BTBD16: variants seen among roughly 807,000 people sequenced by gnomAD.
The protein encoded by BTBD16 is BTB/POZ domain-containing protein 16.
A neutral mutation model predicts 67.4 loss-of-function variants in BTBD16; 66 were observed. The observed-to-expected ratio is 0.98, with a 90% CI of 0.80 to 1.20. The LOEUF (loss-of-function observed/expected upper bound fraction) is 1.20, where lower values mean the gene tolerates loss of function less well. Ranked by LOEUF, BTBD16 falls within the 50% of genes most tolerant of loss-of-function variation. BTBD16 has a pLI of 0.00. For synonymous variants in BTBD16, 242 were observed against 236.4 expected (o/e 1.02, Z -0.22); for missense variants, 634 against 616.0 (o/e 1.03, Z -0.31).
chr10:122,296,935 G>A (rs2096384384), intron 7 of BTBD16, among the ~76,000 whole-genome samples: 1 of 152,214 alleles, frequency 6.6e-6, no homozygotes, highest in South Asian at 2.1e-4. Flanking sequence ...TCCTGCCCCA[G>A]GGCCTTTGCA....
intron 13 of BTBD16, among the ~76,000 whole-genome samples, chr10:122,333,599 G>T (rs1204094990): frequency 1.3e-5 from 2 of 152,158 alleles, no homozygotes; most frequent in African/African-American, 4.8e-5. Flanking sequence ...TTGGGGTGAG[G>T]CATGGTTTTG....
Position 122,329,545 on chromosome 10 carries a change from G to T in BTBD16, c.977G>T (p.Cys326Phe), listed in dbSNP as rs1399954221. ...IGRSLRPLFL[C>F]LRLHGITKGK... Reference sequence around the variant, plus strand: ...CGGAGCTTGAGGCCGCTCTTCCTCTGCTTGCGTCTGCACGGCATCACCAAA... The same window carrying T: ...CGGAGCTTGAGGCCGCTCTTCCTCTTCTTGCGTCTGCACGGCATCACCAAA... Residue 326 changes from cysteine (C) to phenylalanine (F), a missense_variant, in exon 11 of 16, where the codon TGC (cysteine) becomes TTC (phenylalanine). Coordinates refer to ENST00000260723, the MANE Select transcript of BTBD16 (RefSeq NM_144587.5). 11 of 1,613,926 alleles carry T rather than the reference G, an allele frequency of 6.8e-6. No individual in the cohort carries two copies. Among genetic ancestry groups the T allele is most frequent in the Non-Finnish European group, 9.3e-6 (11 of 1,180,030 alleles).
chr10:122,312,866 A>G (rs1268426452), intron 10 of BTBD16, among the ~76,000 whole-genome samples: 2 of 151,782 alleles, frequency 1.3e-5, no homozygotes, highest in Admixed American at 1.3e-4. Context: ...TGGCTTTCTC[A>G]CTTTCAGAAT....
At chr10:122,275,860 T>C (rs1998342) in intron 2 of BTBD16, among the ~76,000 whole-genome samples, 65,363 of 151,934 alleles carry the variant, frequency 0.43, 14,845 homozygotes, top group East Asian at 0.62. Context: ...CTCCTGGGCA[T>C]ATAACCAAAA....
At chr10:122,295,623 A>G (rs1285961921) in intron 7 of BTBD16, among the ~76,000 whole-genome samples, 2 of 152,162 alleles carry the variant, frequency 1.3e-5, no homozygotes, top group Non-Finnish European at 2.9e-5. Flanking sequence ...GAGGGTCTGA[A>G]CTAGGCAGGG....
chr10:122,290,813 C>T (rs2096372536), intron 6 of BTBD16, among the ~76,000 whole-genome samples: 2 of 152,178 alleles, frequency 1.3e-5, no homozygotes, highest in South Asian at 2.1e-4. Context: ...AGGGGAGAAC[C>T]CAGGATGGTC....
intron 9 of BTBD16, among the ~76,000 whole-genome samples, chr10:122,301,870 T>A (rs1277952439): frequency 2.0e-5 from 3 of 152,218 alleles, no homozygotes; most frequent in Non-Finnish European, 4.4e-5. Flanking sequence ...GGGCCTCCAC[T>A]GGCTCCAAAG....
At chr10:122,279,511 A>AACACACACACACACACACACACAC (rs143637448) in intron 3 of BTBD16, among the ~76,000 whole-genome samples, 115 of 143,974 alleles carry the variant, frequency 8.0e-4, no homozygotes, top group East Asian at 1.1e-3. Flanking sequence ...GAGAAAGAGA[A>AACACACACACACACACACACACAC]ACACACACAC....
At chr10:122,292,340 C>T (rs2096375606) in intron 7 of BTBD16, among the ~76,000 whole-genome samples, 1 of 152,218 alleles carries the variant, frequency 6.6e-6, no homozygotes, top group African/African-American at 2.4e-5. Flanking sequence ...GACCTCATTT[C>T]ATCTTCCCTG....
At chr10:122,301,994 C>T (rs966899506) in intron 9 of BTBD16, among the ~76,000 whole-genome samples, 2 of 152,140 alleles carry the variant, frequency 1.3e-5, no homozygotes, top group Non-Finnish European at 2.9e-5. Flanking sequence ...CACGTGGCCC[C>T]GGAGTGGGAT....
chr10:122,319,657 C>T (rs560964163), intron 10 of BTBD16, among the ~76,000 whole-genome samples: 1 of 152,160 alleles, frequency 6.6e-6, no homozygotes, highest in African/African-American at 2.4e-5. Context: ...AATGTAAGTT[C>T]TCTAGCTTTG....
At chr10:122,280,937 C>T (rs532177000) in intron 3 of BTBD16, among the ~76,000 whole-genome samples, 1 of 152,248 alleles carries the variant, frequency 6.6e-6, no homozygotes, top group African/African-American at 2.4e-5. Context: ...TCCCAAGTAG[C>T]TGGGACCACA....
intron 7 of BTBD16, among the ~76,000 whole-genome samples, chr10:122,296,090 A>G (rs1412166067): frequency 6.6e-6 from 1 of 152,084 alleles, no homozygotes; most frequent in African/African-American, 2.4e-5. Context: ...AAAAAGGGAA[A>G]CTTGATCAGT....
At chr10:122,331,077 C>T in intron 11 of BTBD16, 99 bp from the exon 12 acceptor site, 1 of 1,495,780 alleles carries the variant, frequency 6.7e-7, no homozygotes, top group Non-Finnish European at 8.9e-7. Context: ...TTTCCCTTCC[C>T]TCAGCTCCGG....
At chr10:122,306,060 C>T (rs1590073335) in intron 9 of BTBD16, among the ~76,000 whole-genome samples, 1 of 152,118 alleles carries the variant, frequency 6.6e-6, no homozygotes, top group Non-Finnish European at 1.5e-5. Context: ...AAATGAGGAG[C>T]TTATTCTAGA....
chr10:122,336,839 G>A (rs573809900), intron 15 of BTBD16, among the ~76,000 whole-genome samples, 157 bp downstream of exon 15: 3 of 152,232 alleles, frequency 2.0e-5, no homozygotes, highest in Non-Finnish European at 1.5e-5. Flanking sequence ...CTCAAATAAC[G>A]CTAAAGAGAA....
At position 122,289,909 on chromosome 10, in the gene BTBD16, C is replaced by T. The variant is rs1358116484; in HGVS notation, c.386C>T (p.Ala129Val). 1 of 1,612,676 alleles carries T rather than the reference C, an allele frequency of 6.2e-7. No individual in the cohort carries two copies. The highest frequency in any genetic ancestry group is 1.7e-5 in the Admixed American group (1 of 59,926). Residue 129 changes from alanine to valine, a missense_variant and splice_region_variant, in exon 6 of 16, where the codon GCT becomes GTT. Coordinates refer to ENST00000260723, the MANE Select transcript of BTBD16 (RefSeq NM_144587.5). ...ATCATCATCTCATTTCCTTTACTAG[C>T]TCAATCACCTAAGAAGACCAAAGAA... ...PLRELEELLR[A>V]QSPKKTKEKS... is the part of the protein sequence containing the mutation.
chr10:122,316,056 T>C (rs2142107884), intron 10 of BTBD16, among the ~76,000 whole-genome samples: 1 of 152,082 alleles, frequency 6.6e-6, no homozygotes, highest in East Asian at 1.9e-4. Flanking sequence ...CACCTGAGGT[T>C]GGGAGTTTGA....
In BTBD16 at chr10:122,337,998, G is replaced by GT. The variant is rs747145143; in HGVS notation, c.1453-11dup. 5.2e-5 allele frequency: 83 copies of GT among 1,594,986 alleles called. No homozygotes were observed. The highest frequency in any genetic ancestry group is 6.4e-5 in the Non-Finnish European group (74 of 1,164,198). ...TCATCCTAAAAGTCACATTCACTTT[G>GT]TTTTTTTTCATGTTTTAGACCTTGA... On this transcript the variant is annotated intron_variant, in intron 15 of 15. Coordinates refer to ENST00000260723, the MANE Select transcript of BTBD16 (RefSeq NM_144587.5).
Sources: allele counts gnomAD v4.1 joint callset (sites outside exome capture counted in the v4.1 genomes callset), GRCh38; gene constraint gnomAD v4.1.1; transcripts MANE v1.5; gene names NCBI Gene and HGNC (gene_info 2026-07-23, HGNC 2026-07-21).